OSBPL6: variants seen among roughly 807,000 people sequenced by gnomAD.
OSBPL6 encodes oxysterol binding protein like 6.
Under a neutral mutation model 125.8 loss-of-function variants are expected in OSBPL6, and 49 were observed. The ratio of observed to expected loss-of-function variants is 0.39; its 90% CI spans 0.31 to 0.49. The LOEUF (loss-of-function observed/expected upper bound fraction) is 0.49, where lower values mean the gene tolerates loss of function less well. OSBPL6 is among the 20% of genes least tolerant of loss of function. The pLI is 0.88. For synonymous variants in OSBPL6, 394 were observed against 391.8 expected, an observed-to-expected ratio of 1.01 and a Z score of -0.07; for missense variants, 986 against 1,135.4, an observed-to-expected ratio of 0.87 and a Z score of 1.89.
At chr2:178,343,890 C>T (rs1321568333) in intron 11 of OSBPL6, among the ~76,000 whole-genome samples, 2 of 152,132 alleles carry the variant, frequency 1.3e-5, no homozygotes, top group Non-Finnish European at 2.9e-5. Context: ...TTAGCCTTCC[C>T]ACATTATTTC....
rs1201922376 is a variant in OSBPL6 at position 178,395,459 on chromosome 2, T to C, written c.2705T>C (p.Ile902Thr). The change falls in exon 25 of 25, where the codon ATT becomes ACT. Residue 902 changes from isoleucine (I) to threonine (T), a missense_variant. Transcript: ENST00000190611. ...TGTTTATATTTTCACAGAAAAGTTA[T>C]TGATGCCAATCAAAGAGAAGCCTGG... is the stretch of plus-strand genomic sequence containing the variant. Reference protein sequence around the residue: ...EHIPKFFKKVIDANQREAWVS... With the variant: ...EHIPKFFKKVTDANQREAWVS... The C allele has an allele frequency of 1.9e-6, 3 of 1,612,732 alleles. No individual in the cohort carries two copies. The highest frequency in any genetic ancestry group is 1.7e-5 in the Admixed American group (1 of 59,896).
At chr2:178,360,660 CTA>C (rs1404614991) in intron 12 of OSBPL6, among the ~76,000 whole-genome samples, 2 of 152,168 alleles carry the variant, frequency 1.3e-5, no homozygotes, top group African/African-American at 4.8e-5. Flanking sequence ...AAGAACTTTT[CTA>C]TGACTATTGC....
At chr2:178,344,366 T>C (rs765575856) in intron 11 of OSBPL6, 27 of 1,613,468 alleles carry the variant, frequency 1.7e-5, no homozygotes, top group Non-Finnish European at 2.2e-5. Context: ...CAACAGTGAG[T>C]GGATTTCAAT....
intron 3 of OSBPL6, among the ~76,000 whole-genome samples, chr2:178,318,241 G>A (rs1559238488): frequency 6.6e-6 from 1 of 152,144 alleles, no homozygotes; most frequent in Non-Finnish European, 1.5e-5. Flanking sequence ...TCTTAAAACA[G>A]GCCAGTTCAA....
At chr2:178,394,502 C>A in intron 24 of OSBPL6, 67 bp downstream of exon 24, 3 of 1,505,082 alleles carry the variant, frequency 2.0e-6, no homozygotes, top group Non-Finnish European at 2.7e-6. Flanking sequence ...ATGAGAAACT[C>A]CAGTTAAATG....
chr2:178,221,623 A>G (rs999553239), intron 1 of OSBPL6, among the ~76,000 whole-genome samples: 3 of 152,258 alleles, frequency 2.0e-5, no homozygotes, highest in Admixed American at 6.5e-5. Flanking sequence ...TTAGCTGATC[A>G]TCAGTAAGCA....
At chr2:178,231,976 G>A (rs1164403813) in intron 1 of OSBPL6, among the ~76,000 whole-genome samples, 1 of 152,060 alleles carries the variant, frequency 6.6e-6, no homozygotes, top group African/African-American at 2.4e-5. Context: ...AAATTTCCAT[G>A]TCTTTGATAA....
chr2:178,328,003 C>G (rs189393047), intron 4 of OSBPL6, among the ~76,000 whole-genome samples: 15 of 152,182 alleles, frequency 9.9e-5, no homozygotes, highest in Non-Finnish European at 2.1e-4. Context: ...CATCCTACCC[C>G]AAACAGACAA....
rs16866263 is a variant in OSBPL6, at chr2:178,336,321, G to A, written c.678G>A (p.Pro226=). ...MDGKMQPNSF[P]WQSPLPCSNS... ...CGTAGATGCAACCAAACAGCTTTCCGTGGCAGTCCCCTTTACCATGCAGCA... is the reference window on the plus strand; with the variant it reads ...CGTAGATGCAACCAAACAGCTTTCCATGGCAGTCCCCTTTACCATGCAGCA... The change falls in exon 9 of 25, where the codon CCG becomes CCA. Residue 226 remains proline (P), a synonymous_variant. Transcript: ENST00000190611. 2.9e-5 allele frequency: 47 copies of A among 1,613,726 alleles called. No homozygotes were observed. In the East Asian group the frequency reaches 4.2e-4, roughly 15 times the overall value.
intron 1 of OSBPL6, among the ~76,000 whole-genome samples, chr2:178,271,017 G>A (rs908291006): frequency 6.6e-6 from 1 of 152,122 alleles, no homozygotes; most frequent in African/African-American, 2.4e-5. Context: ...CCGAAACCAT[G>A]TTATCTTTAC....
intron 9 of OSBPL6, among the ~76,000 whole-genome samples, chr2:178,337,330 T>C (rs566190558): frequency 1.3e-5 from 2 of 152,298 alleles, no homozygotes; most frequent in South Asian, 4.1e-4. Context: ...AATTAAAATT[T>C]GGTAATCTAT....
At chr2:178,200,940 G>A (rs575842776) in intron 1 of OSBPL6, among the ~76,000 whole-genome samples, 9 of 151,884 alleles carry the variant, frequency 5.9e-5, no homozygotes, top group South Asian at 2.1e-4. Context: ...GATTACAGGC[G>A]CCCGCCAGCA....
intron 3 of OSBPL6, among the ~76,000 whole-genome samples, chr2:178,322,199 G>C (rs1236399233): frequency 6.6e-6 from 1 of 152,132 alleles, no homozygotes; most frequent in African/African-American, 2.4e-5. Flanking sequence ...TAGTTACTAA[G>C]GTCAAGTTTC....
At chr2:178,245,733 G>A (rs1305048747) in intron 1 of OSBPL6, among the ~76,000 whole-genome samples, 6 of 152,150 alleles carry the variant, frequency 3.9e-5, no homozygotes, top group Non-Finnish European at 5.9e-5. Flanking sequence ...GGGGAGGAGG[G>A]GGTCTGGCAT....
chr2:178,337,748 C>T (rs141601433), intron 9 of OSBPL6, among the ~76,000 whole-genome samples: 122 of 152,262 alleles, frequency 8.0e-4, no homozygotes, highest in African/African-American at 2.9e-3. Flanking sequence ...CTGAATTATT[C>T]ACAAAGTTCT....
chr2:178,268,222 C>T (rs2092294031), intron 1 of OSBPL6, among the ~76,000 whole-genome samples: 1 of 151,958 alleles, frequency 6.6e-6, no homozygotes, highest in South Asian at 2.1e-4. Flanking sequence ...GCTGGGATTA[C>T]AGGCACCTGC....
intron 5 of OSBPL6, 37 bp downstream of exon 5, chr2:178,328,415 C>G (rs1194998075): frequency 6.3e-7 from 1 of 1,596,898 alleles, no homozygotes; most frequent in East Asian, 2.2e-5. Context: ...AGACCATCTT[C>G]ATAAATAAAG....
intron 2 of OSBPL6, among the ~76,000 whole-genome samples, chr2:178,304,104 A>G (rs536756404): frequency 6.6e-6 from 1 of 152,294 alleles, no homozygotes; most frequent in South Asian, 2.1e-4. Context: ...CCAGCAGGTT[A>G]GGGCCCTGTC....
At chr2:178,388,368 C>A (rs1400048759) in intron 20 of OSBPL6, among the ~76,000 whole-genome samples, 1 of 152,164 alleles carries the variant, frequency 6.6e-6, no homozygotes, top group East Asian at 1.9e-4. Context: ...CTCCCTCCTA[C>A]CTGGAATCCT....
Sources: gnomAD v4.1 joint callset for allele counts (sites outside exome capture counted in the v4.1 genomes callset) on GRCh38, gnomAD v4.1.1 for gene constraint, MANE v1.5 for transcripts, NCBI Gene and HGNC (gene_info 2026-07-23, HGNC 2026-07-21) for gene names.